Variants in RIC8B observed in about 807,000 individuals in gnomAD.
The protein encoded by RIC8B is RIC8 guanine nucleotide exchange factor B.
In RIC8B, 16 loss-of-function variants were observed where a neutral mutation model predicts 57.5. The ratio of observed to expected loss-of-function variants is 0.28; its 90% CI spans 0.19 to 0.42. The LOEUF is 0.42. Among genes scored for constraint, RIC8B ranks in the 10% least tolerant of loss-of-function variants. The pLI, the probability that RIC8B is intolerant of heterozygous loss-of-function variation, is 1.00. For synonymous variants in RIC8B, 216 were observed against 250.8 expected, an observed-to-expected ratio of 0.86 and a Z score of 1.31; for missense variants, 481 against 677.0, an observed-to-expected ratio of 0.71 and a Z score of 3.21.
chr12:106,867,706 G>A lies in RIC8B; in HGVS notation c.1452-3117G>A, dbSNP rs1254437914. Among the ~76,000 whole-genome samples the A allele has an allele frequency of 6.6e-6, 1 of 152,126 alleles. No homozygotes were observed. Among genetic ancestry groups the A allele is most frequent in the Non-Finnish European group, 1.5e-5 (1 of 68,014 alleles). ...ATGAGACTCTGGTTTGAAGTGGGGA[G>A]CGGGAGAAGAGACAGTGTTCATCTG... On this transcript the variant is annotated intron_variant, in intron 8 of 9. Coordinates refer to ENST00000392837, the MANE Select transcript of RIC8B (RefSeq NM_001330145.2). This position sits in a 1 kb window ranked among gnomAD's most constrained non-coding sequence, Gnocchi z 4.3.
At chr12:106,829,708 A>G (rs1367668233) in intron 4 of RIC8B, among the ~76,000 whole-genome samples, 1 of 152,172 alleles carries the variant, frequency 6.6e-6, no homozygotes, top group Non-Finnish European at 1.5e-5. Flanking sequence ...ATGTGCAACC[A>G]TCACCACCAT....
intron 9 of RIC8B, chr12:106,871,440 G>C (rs1347501783): frequency 1.1e-5 from 1 of 91,730 alleles, no homozygotes; most frequent in African/African-American, 4.3e-5. Context: ...AGGATTTTCT[G>C]AAAACAGGGA....
At chr12:106,778,120 A>G (rs534848248) in intron 1 of RIC8B, among the ~76,000 whole-genome samples, 1 of 152,332 alleles carries the variant, frequency 6.6e-6, no homozygotes, top group East Asian at 1.9e-4. Flanking sequence ...TTAGCTTTGA[A>G]CAAAAAAATT....
rs778127347 is a variant in RIC8B at position 106,783,989 on chromosome 12, C to T, written c.85-8C>T. The stretch of plus-strand genomic sequence containing the variant: ...AAAATGACATTGTTTCCCTTTTTTC[C>T]CCCTCAGCATAGGGCTACTTTCAAA... On this transcript the variant is annotated splice_region_variant and splice_polypyrimidine_tract_variant and intron_variant, in intron 1 of 9. Transcript: ENST00000392837. The T allele has an allele frequency of 5.0e-6, 8 of 1,610,396 alleles. No homozygotes were observed. The highest frequency in any genetic ancestry group is 6.8e-6 in the Non-Finnish European group (8 of 1,178,442).
chr12:106,819,487 C>A (rs996729529), intron 3 of RIC8B, among the ~76,000 whole-genome samples: 1 of 152,054 alleles, frequency 6.6e-6, no homozygotes, highest in African/African-American at 2.4e-5. Context: ...AGTGGTGGCT[C>A]ACGCCTGTAA....
chr12:106,855,346 T>G (rs1418221409), intron 7 of RIC8B, among the ~76,000 whole-genome samples: 1 of 152,184 alleles, frequency 6.6e-6, no homozygotes, highest in Non-Finnish European at 1.5e-5. Context: ...TACCCTTTAT[T>G]CTTTTGTTCT....
intron 2 of RIC8B, 29 bp from the exon 3 acceptor site, chr12:106,814,667 A>T (rs777934948): frequency 7.7e-6 from 12 of 1,549,504 alleles, no homozygotes; most frequent in Admixed American, 4.0e-5. Flanking sequence ...CCAAATAATG[A>T]TTTTTGCATA....
chr12:106,792,053 G>T (rs2044280802), intron 2 of RIC8B, among the ~76,000 whole-genome samples: 1 of 152,138 alleles, frequency 6.6e-6, no homozygotes, highest in South Asian at 2.1e-4. Context: ...GTTACATAGT[G>T]CAAGTACAGT....
chr12:106,845,605 T>G (rs995155688), intron 6 of RIC8B, among the ~76,000 whole-genome samples: 9 of 152,176 alleles, frequency 5.9e-5, no homozygotes, highest in Non-Finnish European at 1.0e-4. Context: ...ATTAATCATT[T>G]TAAAAAATGT....
intron 7 of RIC8B, among the ~76,000 whole-genome samples, chr12:106,855,394 A>G (rs946347942): frequency 6.6e-6 from 1 of 150,386 alleles, no homozygotes; most frequent in African/African-American, 2.5e-5. Context: ...ATCTCTATGC[A>G]TACTTATATC....
chr12:106,779,806 G>A (rs1393547162), intron 1 of RIC8B, among the ~76,000 whole-genome samples: 3 of 150,684 alleles, frequency 2.0e-5, no homozygotes, highest in Admixed American at 2.0e-4. Context: ...TGTTAATTTG[G>A]GGAATTATGT....
intron 2 of RIC8B, among the ~76,000 whole-genome samples, chr12:106,813,441 C>T (rs528427636): frequency 6.6e-6 from 1 of 152,282 alleles, no homozygotes; most frequent in Admixed American, 6.5e-5. Flanking sequence ...CCGCCTTCCT[C>T]AGCCTCTTGA....
At chr12:106,792,066 T>G (rs2044281284) in intron 2 of RIC8B, among the ~76,000 whole-genome samples, 2 of 152,230 alleles carry the variant, frequency 1.3e-5, no homozygotes, top group East Asian at 3.8e-4. Context: ...AGTACAGTTC[T>G]CACTTAGAAA....
intron 9 of RIC8B, among the ~76,000 whole-genome samples, chr12:106,876,873 TAC>T (rs1310956260): frequency 6.6e-6 from 1 of 152,166 alleles, no homozygotes; most frequent in African/African-American, 2.4e-5. Flanking sequence ...TACTTTATTC[TAC>T]AGTGTCAGTT....
intron 6 of RIC8B, among the ~76,000 whole-genome samples, chr12:106,850,062 G>A (rs915267484): frequency 6.6e-6 from 1 of 152,202 alleles, no homozygotes; most frequent in African/African-American, 2.4e-5. Flanking sequence ...CGTATCAGCT[G>A]GTGCATTAGA....
rs151205692 is a variant in RIC8B at position 106,798,330 on chromosome 12, C to T, written c.132+14286C>T. Among the ~76,000 whole-genome samples, 641 of 152,126 alleles carry T rather than the reference C, an allele frequency of 4.2e-3. 3 individuals carry two copies. The highest frequency in any genetic ancestry group is 6.3e-3 in the Non-Finnish European group (429 of 68,008). ...AAAGTTCTTGGCTGACCAGATGTTT[C>T]CACGTTCTCAACTCCTCTATTTGTA... On this transcript the variant is annotated intron_variant, in intron 2 of 9. Transcript: ENST00000392837.
chr12:106,868,766 G>GACACACACACAC lies in RIC8B; in HGVS notation c.1452-2019_1452-2008dup, dbSNP rs56293147. Reference sequence around the variant, plus strand: ...ATGAGTGTCTAAAGCAGGCACTCTAGACACACACACACACACACACACACA... The same window carrying GACACACACACAC: ...ATGAGTGTCTAAAGCAGGCACTCTAGACACACACACACACACACACACACACACACACACACA... On this transcript the variant is annotated intron_variant, in intron 8 of 9. Coordinates refer to ENST00000392837, the MANE Select transcript of RIC8B (RefSeq NM_001330145.2). Among the ~76,000 whole-genome samples, 262 of 123,016 alleles carry GACACACACACAC rather than the reference G, an allele frequency of 2.1e-3. 1 individual carries two copies. Among genetic ancestry groups the GACACACACACAC allele is most frequent in the Middle Eastern group, 8.2e-3 (2 of 244 alleles). The allele number at this position is 123,016 out of a possible 152,430, so 80.7% of individuals were successfully genotyped here.
chr12:106,878,894 C>A, intron 9 of RIC8B: 1 of 730,372 alleles, frequency 1.4e-6, no homozygotes, highest in Non-Finnish European at 1.7e-6. Flanking sequence ...AACTATTATG[C>A]AGTACTCAAT....
chr12:106,884,545 CCAACTT>C (rs1951091178), intron 9 of RIC8B, among the ~76,000 whole-genome samples: 1 of 152,188 alleles, frequency 6.6e-6, no homozygotes, highest in African/African-American at 2.4e-5. Context: ...CAGACCCCTT[CCAACTT>C]TAAGTTCTAT....
Sources: gnomAD v4.1 joint callset for allele counts (sites outside exome capture counted in the v4.1 genomes callset) on GRCh38, gnomAD v4.1.1 for gene constraint, Gnocchi (gnomAD v3.1) non-coding constraint, MANE v1.5 for transcripts, NCBI Gene and HGNC (gene_info 2026-07-23, HGNC 2026-07-21) for gene names.